Variants in UNC5D observed in about 807,000 individuals in gnomAD.
The protein encoded by UNC5D is netrin receptor UNC5D.
UNC5D carries 39 observed loss-of-function variants against 105.4 expected under a neutral mutation model. The ratio of observed to expected loss-of-function variants is 0.37; its 90% CI spans 0.29 to 0.48. The LOEUF is 0.48. Ranked by LOEUF, UNC5D falls within the 20% of genes least tolerant of loss-of-function variation. UNC5D has a pLI of 0.98. For missense variants in UNC5D, 991 were observed against 1,202.4 expected (o/e 0.82, Z 2.60); for synonymous variants, 452 against 450.4 (o/e 1.00, Z -0.04).
At position 35,759,244 on chromosome 8, in the gene UNC5D, T is replaced by C. The variant is rs546053463; in HGVS notation, c.2164-76T>C. Reference sequence around the variant, plus strand: ...TGGAAGACACATGGTAGTGAGCATGTGTATCCCTAGATAGGAAATATGTAA... The same window carrying C: ...TGGAAGACACATGGTAGTGAGCATGCGTATCCCTAGATAGGAAATATGTAA... On this transcript the variant is annotated intron_variant, in intron 13 of 16. Coordinates refer to ENST00000404895, the MANE Select transcript of UNC5D (RefSeq NM_080872.4). 4 of 1,535,054 alleles carry C rather than the reference T, an allele frequency of 2.6e-6. No homozygotes were observed. In the East Asian group the frequency reaches 9.0e-5, roughly 35 times the overall value.
At chr8:35,382,491 G>A (rs1331180782) in intron 1 of UNC5D, among the ~76,000 whole-genome samples, 8 of 151,990 alleles carry the variant, frequency 5.3e-5, no homozygotes, top group Non-Finnish European at 7.4e-5. Context: ...AAAATTTAGC[G>A]CTTTCTTTTG....
chr8:35,688,490 A>G (rs59352631), intron 7 of UNC5D, among the ~76,000 whole-genome samples: 5,415 of 152,294 alleles, frequency 0.036, 338 homozygotes, highest in African/African-American at 0.12. Flanking sequence ...CTGATAGCCT[A>G]TAGTGCCTTT....
At chr8:35,239,961 G>A (rs1388010279) in intron 1 of UNC5D, among the ~76,000 whole-genome samples, 9 of 147,248 alleles carry the variant, frequency 6.1e-5, no homozygotes, top group Admixed American at 1.4e-4. Context: ...TTTGAGACAG[G>A]TTCTCACTCT....
rs1377064461 is a variant in UNC5D, at chr8:35,384,200, C to G, written c.103+148313C>G. On this transcript the variant is annotated intron_variant, in intron 1 of 16. Coordinates refer to ENST00000404895, the MANE Select transcript of UNC5D (RefSeq NM_080872.4). The stretch of plus-strand genomic sequence containing the variant: ...TGCCACTACACTCCAGCCTGGGTGA[C>G]AGAGCAAGACTCCATTTCAAAAAAA... 3.5e-5 allele frequency among the ~76,000 whole-genome samples: 5 copies of G among 144,286 alleles called. No homozygotes were observed. The Admixed American group carries it at 3.5e-4, about 10-fold the overall frequency. 94.7% of individuals were successfully genotyped at this position (144,286 alleles called of 152,430 possible).
At chr8:35,406,891 GTA>G (rs1306390483) in intron 1 of UNC5D, among the ~76,000 whole-genome samples, 1 of 152,060 alleles carries the variant, frequency 6.6e-6, no homozygotes, top group African/African-American at 2.4e-5. Context: ...CATAATGTGT[GTA>G]TGATGCACGT....
At chr8:35,569,284 A>G (rs1458145295) in intron 3 of UNC5D, among the ~76,000 whole-genome samples, 1 of 152,090 alleles carries the variant, frequency 6.6e-6, no homozygotes, top group Non-Finnish European at 1.5e-5. Flanking sequence ...TGTGCCTGGG[A>G]TGGTAAAATC....
intron 1 of UNC5D, among the ~76,000 whole-genome samples, chr8:35,538,009 A>T (rs1012397222): frequency 2.0e-5 from 3 of 152,184 alleles, no homozygotes; most frequent in Non-Finnish European, 4.4e-5. Context: ...CATGATATCC[A>T]TGAATAGTTA....
At chr8:35,326,115 T>C (rs1430364830) in intron 1 of UNC5D, among the ~76,000 whole-genome samples, 3 of 152,212 alleles carry the variant, frequency 2.0e-5, no homozygotes, top group Non-Finnish European at 4.4e-5. Flanking sequence ...TCTCTTAATA[T>C]AGATTAGCTT....
At chr8:35,305,794 TTC>T (rs1450709023) in intron 1 of UNC5D, among the ~76,000 whole-genome samples, 42 of 150,338 alleles carry the variant, frequency 2.8e-4, no homozygotes, top group South Asian at 2.3e-3. Flanking sequence ...CTTTCTTTCT[TTC>T]TCTCTTTTCT....
At chr8:35,748,348 G>A (rs184645095) in intron 11 of UNC5D, among the ~76,000 whole-genome samples, 179 bp from the exon 12 acceptor site, 74 of 152,240 alleles carry the variant, frequency 4.9e-4, no homozygotes, top group East Asian at 4.8e-3. Flanking sequence ...AACTCCTTCC[G>A]TGTGTCTGAG....
At chr8:35,345,708 G>C (rs1189078880) in intron 1 of UNC5D, among the ~76,000 whole-genome samples, 1 of 151,866 alleles carries the variant, frequency 6.6e-6, no homozygotes, top group Non-Finnish European at 1.5e-5. Flanking sequence ...AAAATTTAGA[G>C]GATATGAAAC....
At chr8:35,454,110 A>T (rs950484208) in intron 1 of UNC5D, among the ~76,000 whole-genome samples, 1 of 152,198 alleles carries the variant, frequency 6.6e-6, no homozygotes, top group Admixed American at 6.5e-5. Context: ...CCAACCTGAC[A>T]GACTTTCCCT....
intron 1 of UNC5D, among the ~76,000 whole-genome samples, chr8:35,447,064 G>A (rs1807843799): frequency 6.6e-6 from 1 of 151,930 alleles, no homozygotes; most frequent in South Asian, 2.1e-4. Flanking sequence ...GCATTTTGGT[G>A]CGACAATTTT....
chr8:35,406,508 G>C (rs569444121), intron 1 of UNC5D, among the ~76,000 whole-genome samples: 4 of 152,192 alleles, frequency 2.6e-5, no homozygotes, highest in Admixed American at 2.6e-4. Context: ...ATATTGGGCT[G>C]GTCCTGAAAA....
chr8:35,594,603 T>G (rs908341874), intron 3 of UNC5D, among the ~76,000 whole-genome samples: 2 of 152,164 alleles, frequency 1.3e-5, no homozygotes, highest in African/African-American at 2.4e-5. Context: ...ACCCTCGTTC[T>G]GCAAGATTAT....
chr8:35,753,129 C>T (rs374606112), intron 13 of UNC5D, among the ~76,000 whole-genome samples: 2 of 152,280 alleles, frequency 1.3e-5, no homozygotes, highest in Admixed American at 6.5e-5. Context: ...TTACTGTGGA[C>T]GTCATGAAAA....
intron 1 of UNC5D, among the ~76,000 whole-genome samples, chr8:35,466,308 G>C (rs1809302279): frequency 6.6e-6 from 1 of 152,144 alleles, no homozygotes; most frequent in Non-Finnish European, 1.5e-5. Context: ...ATCTCTCACT[G>C]TCTCTTGAAC....
At chr8:35,382,959 G>A (rs1179590474) in intron 1 of UNC5D, among the ~76,000 whole-genome samples, 1 of 152,182 alleles carries the variant, frequency 6.6e-6, no homozygotes, top group Non-Finnish European at 1.5e-5. Flanking sequence ...GCATAAGGCA[G>A]CACAGGCTCA....
intron 1 of UNC5D, among the ~76,000 whole-genome samples, chr8:35,273,903 G>A (rs1306512619): frequency 6.6e-6 from 1 of 151,976 alleles, no homozygotes; most frequent in Non-Finnish European, 1.5e-5. Context: ...AGAAATACAG[G>A]CTTAACAACC....
Sources: allele counts gnomAD v4.1 joint callset (sites outside exome capture counted in the v4.1 genomes callset), GRCh38; gene constraint gnomAD v4.1.1; transcripts MANE v1.5; gene names NCBI Gene and HGNC (gene_info 2026-07-23, HGNC 2026-07-21).